The following BBOF1 variants were observed in gnomAD, a reference collection of about 807,000 sequenced individuals.
BBOF1 encodes basal body-orientation factor 1.
BBOF1 carries 62 observed loss-of-function variants against 68.0 expected under a neutral mutation model. The ratio of observed to expected loss-of-function variants is 0.91; its 90% CI spans 0.74 to 1.13. The LOEUF is 1.13. Among genes scored for constraint, BBOF1 ranks in the 50% most tolerant of loss-of-function variants. The probability of loss-of-function intolerance (pLI) is 0.00; values close to 1 mark genes in which losing one functional copy is unlikely to be tolerated. For missense variants in BBOF1, 534 were observed against 600.1 expected (o/e 0.89, Z 1.15); for synonymous variants, 208 against 198.8 (o/e 1.05, Z -0.39).
At chr14:74,071,913 TCTC>T (rs1566833520) in intron 9 of BBOF1, 3 of 1,614,168 alleles carry the variant, frequency 1.9e-6, no homozygotes, top group East Asian at 4.5e-5. Context: ...TCGAAATACA[TCTC>T]CTTCAGCATC....
intron 3 of BBOF1, among the ~76,000 whole-genome samples, chr14:74,029,815 AG>A (rs1437243066): frequency 1.3e-5 from 2 of 152,184 alleles, no homozygotes; most frequent in African/African-American, 2.4e-5. Flanking sequence ...TGGAGCTAGG[AG>A]ATACACGTTT....
At chr14:74,025,599 A>G (rs2059405526) in intron 2 of BBOF1, among the ~76,000 whole-genome samples, 1 of 152,232 alleles carries the variant, frequency 6.6e-6, no homozygotes, top group Non-Finnish European at 1.5e-5. Context: ...TAATCACAGA[A>G]TAATCTCATT....
intron 2 of BBOF1, among the ~76,000 whole-genome samples, chr14:74,025,412 A>G (rs1464186120): frequency 6.6e-6 from 1 of 152,108 alleles, no homozygotes; most frequent in Non-Finnish European, 1.5e-5. Context: ...GCTTTCCCAT[A>G]GTTTTGTTAC....
At chr14:74,050,456 T>G (rs1032753063) in intron 8 of BBOF1, among the ~76,000 whole-genome samples, 1 of 152,220 alleles carries the variant, frequency 6.6e-6, no homozygotes, top group African/African-American at 2.4e-5. Flanking sequence ...TCCCATAGGT[T>G]GTTTTTTATA....
At chr14:74,021,673 C>G (rs2059301102) in intron 1 of BBOF1, among the ~76,000 whole-genome samples, 1 of 151,810 alleles carries the variant, frequency 6.6e-6, no homozygotes, top group African/African-American at 2.4e-5. Context: ...ACTTTTTGTC[C>G]AAGACCTAGC....
intron 7 of BBOF1, among the ~76,000 whole-genome samples, chr14:74,049,048 T>A (rs1195079011): frequency 6.6e-6 from 1 of 152,002 alleles, no homozygotes; most frequent in Non-Finnish European, 1.5e-5. Flanking sequence ...AATTTTTGCA[T>A]TTTTTAGTAG....
intron 1 of BBOF1, among the ~76,000 whole-genome samples, chr14:74,021,776 G>C (rs1317276956): frequency 6.6e-6 from 1 of 151,910 alleles, no homozygotes; most frequent in East Asian, 1.9e-4. Flanking sequence ...GCCTGGTGGC[G>C]GGCTCCTGTA....
At chr14:74,034,910 T>C (rs745537418) in intron 4 of BBOF1, among the ~76,000 whole-genome samples, 7 of 152,012 alleles carry the variant, frequency 4.6e-5, no homozygotes, top group Non-Finnish European at 1.0e-4. Flanking sequence ...GGCAACATAG[T>C]GAAATCCCAA....
intron 2 of BBOF1, among the ~76,000 whole-genome samples, chr14:74,025,868 C>G (rs1483686387): frequency 2.0e-5 from 3 of 151,560 alleles, no homozygotes; most frequent in African/African-American, 7.3e-5. Flanking sequence ...TGGCCCATGC[C>G]TGTAATCCCA....
At chr14:74,077,620 C>T (rs576445889) in intron 9 of BBOF1, among the ~76,000 whole-genome samples, 3 of 152,238 alleles carry the variant, frequency 2.0e-5, no homozygotes, top group African/African-American at 7.2e-5. Context: ...CTAATCCAGT[C>T]TCAAAAGAGC....
intron 8 of BBOF1, 25 bp downstream of exon 8, chr14:74,050,220 C>A: frequency 6.6e-7 from 1 of 1,507,572 alleles, no homozygotes; most frequent in Non-Finnish European, 8.9e-7. Context: ...TTATTATTAT[C>A]TTTTTGCTGC....
intron 8 of BBOF1, among the ~76,000 whole-genome samples, chr14:74,051,229 A>G (rs2060061656): frequency 6.6e-6 from 1 of 151,058 alleles, no homozygotes; most frequent in Non-Finnish European, 1.5e-5. Flanking sequence ...GGGTGACAAG[A>G]GCAAAACACT....
chr14:74,029,140 G>A, intron 2 of BBOF1, 44 bp from the exon 3 acceptor site: 1 of 1,198,360 alleles, frequency 8.3e-7, no homozygotes. Flanking sequence ...TAGACATAGA[G>A]CAGTTTCTTT....
chr14:74,053,253 C>T lies in BBOF1; in HGVS notation c.1287-2331C>T, dbSNP rs554345577. Among the ~76,000 whole-genome samples the T allele has an allele frequency of 1.6e-4, 25 of 151,774 alleles. 1 individual carries two copies. The highest frequency in any genetic ancestry group is 1.2e-3 in the Admixed American group (18 of 15,242). On this transcript the variant is annotated intron_variant, in intron 8 of 11. Transcript: ENST00000394009. The stretch of plus-strand genomic sequence containing the variant: ...TCAGCCTCCCAAGTAGCTGGGATTA[C>T]AGGTGCGTGCCACCATGCCCGGCTA...
downstream of BBOF1, among the ~76,000 whole-genome samples, chr14:74,069,803 A>G (rs1478598237): frequency 6.7e-6 from 1 of 149,366 alleles, no homozygotes; most frequent in Non-Finnish European, 1.5e-5. Context: ...CTTTCCTTTC[A>G]TGATTTTTCT....
chr14:74,067,391 C>G (rs1286381783), downstream of BBOF1: 4 of 1,613,304 alleles, frequency 2.5e-6, no homozygotes, highest in East Asian at 2.2e-5. Flanking sequence ...TGCATTGACT[C>G]TCAGGTTTTT....
In BBOF1 at chr14:74,064,945, T is replaced by C. The variant is rs1381497727; in HGVS notation, c.*246T>C. 3 of 1,598,550 alleles carry C rather than the reference T, an allele frequency of 1.9e-6. No homozygotes were observed. The highest frequency in any genetic ancestry group is 2.6e-6 in the Non-Finnish European group (3 of 1,166,994). On this transcript the variant is annotated 3_prime_UTR_variant, in exon 12 of 12. Transcript: ENST00000394009. ...CCTAAAACAGAACAAATCCGTGTCA[T>C]ATCCTAAGGACAAAGGAACTCTCCA...
chr14:74,050,319 T>G, intron 8 of BBOF1, 124 bp downstream of exon 8: 1 of 1,109,294 alleles, frequency 9.0e-7, no homozygotes, highest in Non-Finnish European at 1.3e-6. Flanking sequence ...GTAGGTTACT[T>G]GAGGACAGGA....
intron 11 of BBOF1, among the ~76,000 whole-genome samples, chr14:74,062,555 C>T (rs1052090480): frequency 6.6e-6 from 1 of 151,940 alleles, no homozygotes; most frequent in Non-Finnish European, 1.5e-5. Context: ...GAGCCAAGAT[C>T]ATGCCACTAT....
Sources: gnomAD v4.1 joint callset for allele counts (sites outside exome capture counted in the v4.1 genomes callset) on GRCh38, gnomAD v4.1.1 for gene constraint, MANE v1.5 for transcripts, NCBI Gene and HGNC (gene_info 2026-07-23, HGNC 2026-07-21) for gene names.